The following PCDHGA1 variants were observed in gnomAD, a reference collection of about 807,000 sequenced individuals.
The protein encoded by PCDHGA1 is protocadherin gamma subfamily A, 1.
PCDHGA1 carries 32 observed loss-of-function variants against 58.0 expected under a neutral mutation model. The observed-to-expected ratio is 0.55, with a 90% CI of 0.42 to 0.74. The LOEUF (loss-of-function observed/expected upper bound fraction) is 0.74. PCDHGA1 is among the 30% of genes least tolerant of loss of function. The pLI is 0.00. For synonymous variants in PCDHGA1, 498 were observed against 501.1 expected, an observed-to-expected ratio of 0.99 and a Z score of 0.08; for missense variants, 1,205 against 1,182.3, an observed-to-expected ratio of 1.02 and a Z score of -0.28.
intron 1 of PCDHGA1, chr5:141,414,787 G>T (rs372484037): frequency 6.2e-7 from 1 of 1,614,230 alleles, no homozygotes; most frequent in Admixed American, 1.7e-5. Context: ...GCAGGTGACA[G>T]CCAGCGACAG....
At chr5:141,345,705 A>G in intron 1 of PCDHGA1, 4 of 1,614,204 alleles carry the variant, frequency 2.5e-6, no homozygotes, top group Non-Finnish European at 3.4e-6. Flanking sequence ...CCAGAACGAC[A>G]ACGCGCCCGA....
chr5:141,447,942 T>C (rs1476141059), intron 1 of PCDHGA1, among the ~76,000 whole-genome samples: 2 of 151,740 alleles, frequency 1.3e-5, no homozygotes, highest in African/African-American at 4.8e-5. Context: ...AAAAATTAGC[T>C]GGGCATGGTG....
chr5:141,447,136 T>TTTTTTG (rs1304915683), intron 1 of PCDHGA1, among the ~76,000 whole-genome samples: 1 of 152,090 alleles, frequency 6.6e-6, no homozygotes, highest in Non-Finnish European at 1.5e-5. Context: ...TGTTTGTTTG[T>TTTTTTG]TTTTTGTTTT....
chr5:141,421,309 C>T (rs781110850), intron 1 of PCDHGA1: 9 of 1,613,516 alleles, frequency 5.6e-6, no homozygotes, highest in Admixed American at 1.7e-5. Context: ...GCGGGGGTTC[C>T]GGGCCAGGCA....
chr5:141,399,750 C>A, intron 1 of PCDHGA1: 1 of 1,613,330 alleles, frequency 6.2e-7, no homozygotes, highest in Non-Finnish European at 8.5e-7. Flanking sequence ...TCAGCGCAAA[C>A]GTGAGCCTGC....
At chr5:141,450,460 TTATA>T (rs1234300844) in intron 1 of PCDHGA1, among the ~76,000 whole-genome samples, 1 of 152,104 alleles carries the variant, frequency 6.6e-6, no homozygotes, top group Non-Finnish European at 1.5e-5. Flanking sequence ...CCTCGTGATT[TTATA>T]TATAGAGTTT....
At chr5:141,438,232 GT>G (rs531572606) in intron 1 of PCDHGA1, among the ~76,000 whole-genome samples, 207 of 152,154 alleles carry the variant, frequency 1.4e-3, no homozygotes, top group Middle Eastern at 0.01. Flanking sequence ...TCAGGAAAAT[GT>G]TTTTAAAAAA....
intron 2 of PCDHGA1, among the ~76,000 whole-genome samples, chr5:141,499,182 C>T (rs980293990): frequency 5.3e-5 from 8 of 152,114 alleles, no homozygotes; most frequent in African/African-American, 1.7e-4. Flanking sequence ...GCCCAGCAAA[C>T]CATTTCCCCC....
In PCDHGA1 at chr5:141,511,233, T is replaced by C. The variant is rs776405064; in HGVS notation, c.*60T>C. 5.0e-6 allele frequency: 8 copies of C among 1,595,310 alleles called. No homozygotes were observed. Among genetic ancestry groups the C allele is most frequent in the Non-Finnish European group, 6.8e-6 (8 of 1,170,902 alleles). On this transcript the variant is annotated 3_prime_UTR_variant, in exon 4 of 4. Transcript: ENST00000517417. ...CTCCCCAACCAGCCCAGCTTCTCCT[T>C]ACCTGCACCCAGGCCTCAGAGTTTC...
At chr5:141,462,813 TTGG>T (rs1474162732) in intron 1 of PCDHGA1, among the ~76,000 whole-genome samples, 1 of 152,198 alleles carries the variant, frequency 6.6e-6, no homozygotes, top group African/African-American at 2.4e-5. Flanking sequence ...AATGTTTTTA[TTGG>T]ACAGCAGACA....
chr5:141,396,695 T>G (rs920549434), intron 1 of PCDHGA1: 1 of 152,226 alleles, frequency 6.6e-6, no homozygotes, highest in Non-Finnish European at 1.5e-5. Context: ...CATACCTTCT[T>G]GTAGCATTTG....
intron 1 of PCDHGA1, among the ~76,000 whole-genome samples, chr5:141,488,553 T>C (rs2099676887): frequency 6.6e-6 from 1 of 152,166 alleles, no homozygotes; most frequent in South Asian, 2.1e-4. Flanking sequence ...TCAGCTGACA[T>C]TGAGATTTCC....
chr5:141,384,281 T>A, intron 1 of PCDHGA1: 2 of 1,613,774 alleles, frequency 1.2e-6, no homozygotes, highest in Non-Finnish European at 1.7e-6. Flanking sequence ...TCAGTCTACA[T>A]CGCTGAGAAC....
chr5:141,478,323 G>C, intron 1 of PCDHGA1: 1 of 1,613,958 alleles, frequency 6.2e-7, no homozygotes, highest in Non-Finnish European at 8.5e-7. Flanking sequence ...TCACTGTACC[G>C]AACACCAGGG....
chr5:141,356,115 G>T (rs766964072), intron 1 of PCDHGA1: 3 of 1,613,880 alleles, frequency 1.9e-6, no homozygotes, highest in South Asian at 2.2e-5. Context: ...CAATATTGGG[G>T]GGTCTAGATT....
intron 1 of PCDHGA1, chr5:141,389,757 C>A: frequency 6.2e-7 from 1 of 1,612,818 alleles, no homozygotes; most frequent in East Asian, 2.2e-5. Context: ...GGGCGAAGTG[C>A]GCACAGCGCG....
At chr5:141,374,199 T>C in intron 1 of PCDHGA1, 2 of 1,613,856 alleles carry the variant, frequency 1.2e-6, no homozygotes, top group Non-Finnish European at 1.7e-6. Flanking sequence ...CCCGAGGAGC[T>C]GGAGAAAGGC....
chr5:141,374,993 TC>T, intron 1 of PCDHGA1: 1 of 1,614,056 alleles, frequency 6.2e-7, no homozygotes, highest in Non-Finnish European at 8.5e-7. Context: ...AATTTCAACT[TC>T]TGCAAATCTA....
At chr5:141,352,309 A>C in intron 1 of PCDHGA1, 1 of 1,613,958 alleles carries the variant, frequency 6.2e-7, no homozygotes, top group East Asian at 2.2e-5. Flanking sequence ...CCCAGACGGA[A>C]CTGCAGTTTT....
Sources: gnomAD v4.1 joint callset for allele counts (sites outside exome capture counted in the v4.1 genomes callset) on GRCh38, gnomAD v4.1.1 for gene constraint, MANE v1.5 for transcripts, NCBI Gene and HGNC (gene_info 2026-07-23, HGNC 2026-07-21) for gene names.